The following AIG1 variants were observed in gnomAD, a reference collection of about 807,000 sequenced individuals.
AIG1 encodes the protein androgen induced 1, also known as androgen-induced gene 1 protein.
AIG1 carries 23 observed loss-of-function variants against 31.4 expected under a neutral mutation model. That is an observed-to-expected ratio of 0.73 (90% CI 0.53 to 1.04). The LOEUF is 1.04. Ranked by LOEUF, AIG1 falls within the 50% of genes least tolerant of loss-of-function variation. The pLI is 0.00. For missense variants in AIG1, 274 were observed against 295.0 expected, an observed-to-expected ratio of 0.93 and a Z score of 0.52; for synonymous variants, 100 against 110.5, an observed-to-expected ratio of 0.90 and a Z score of 0.60.
chr6:143,273,184 G>A (rs537508947), intron 3 of AIG1, among the ~76,000 whole-genome samples: 42 of 152,266 alleles, frequency 2.8e-4, no homozygotes, highest in African/African-American at 9.6e-4. Context: ...TCAGAATTAT[G>A]TTTTTAAAGC....
Position 143,326,004 on chromosome 6 carries a change from C to T in AIG1, c.516-7278C>T. On this transcript the variant is annotated intron_variant, in intron 4 of 5. Coordinates refer to ENST00000357847, the MANE Select transcript of AIG1 (RefSeq NM_016108.4). The surrounding 1 kb of genome is among the most constrained non-coding windows in gnomAD (Gnocchi z 4.5). ...AAGATTTAACAACCAGCTCTCATGACAATCTCCAGCACGCCACACTCATGA... is the reference window on the plus strand; with the variant it reads ...AAGATTTAACAACCAGCTCTCATGATAATCTCCAGCACGCCACACTCATGA... Among the ~76,000 whole-genome samples the T allele has an allele frequency of 1.3e-5, 2 of 152,308 alleles. No individual in the cohort carries two copies. The highest frequency in any genetic ancestry group is 4.1e-4 in the South Asian group (2 of 4,828).
rs144868084 is a variant in AIG1, at chr6:143,100,464, A to G, written c.142-36371A>G. Reference sequence around the variant, plus strand: ...AAAAAGAAGGAACTGATATTTGTCCATAGCTTTAATCCACAAAATTAAAAA... The same window carrying G: ...AAAAAGAAGGAACTGATATTTGTCCGTAGCTTTAATCCACAAAATTAAAAA... On this transcript the variant is annotated intron_variant, in intron 1 of 5. Transcript: ENST00000357847. 3.3e-5 allele frequency among the ~76,000 whole-genome samples: 5 copies of G among 152,364 alleles called. No individual in the cohort carries two copies. In the East Asian group the frequency reaches 7.7e-4, roughly 23 times the overall value.
chr6:143,207,806 G>GT (rs35333306), intron 3 of AIG1, among the ~76,000 whole-genome samples: 6,914 of 152,076 alleles, frequency 0.045, 225 homozygotes, highest in Non-Finnish European at 0.067. Context: ...AAATTGTTGG[G>GT]TTTTTTTCAC....
chr6:143,130,371 A>G (rs1454248209), intron 1 of AIG1, among the ~76,000 whole-genome samples: 1 of 152,166 alleles, frequency 6.6e-6, no homozygotes, highest in Non-Finnish European at 1.5e-5. Context: ...CAAAAGAGAA[A>G]AAAGTGTTCC....
At position 143,060,978 on chromosome 6, in the gene AIG1, G is replaced by C; in HGVS notation, c.53G>C (p.Cys18Ser). ...VLRMAILLSYCSILCNYKAIE... is the reference protein window; with the variant it reads ...VLRMAILLSYSSILCNYKAIE... ...CGGATGGCAATCCTGCTGTCTTACT[G>C]CTCTATCCTGTGTAACTACAAGGCC... is the stretch of plus-strand genomic sequence containing the variant. The change falls in exon 1 of 6, where the codon TGC becomes TCC. Residue 18 changes from cysteine (C) to serine (S), a missense_variant. Transcript: ENST00000357847. 2 of 1,613,118 alleles carry C rather than the reference G, an allele frequency of 1.2e-6. No homozygotes were observed. Among genetic ancestry groups the C allele is most frequent in the Non-Finnish European group, 8.5e-7 (1 of 1,179,816 alleles).
chr6:143,286,005 C>T lies in AIG1; in HGVS notation c.515+1780C>T, dbSNP rs145496136. On this transcript the variant is annotated intron_variant, in intron 4 of 5. Transcript: ENST00000357847. ...CTTCCTATAGCCATAGTTTAAAAAT[C>T]AGTCTCGCATCCCACCCCCACCCCA... 4.6e-3 allele frequency among the ~76,000 whole-genome samples: 696 copies of T among 151,564 alleles called. 7 individuals carry two copies. The highest frequency in any genetic ancestry group is 0.016 in the African/African-American group (647 of 41,422).
At chr6:143,078,544 A>T (rs751709673) in intron 1 of AIG1, among the ~76,000 whole-genome samples, 10 of 152,244 alleles carry the variant, frequency 6.6e-5, no homozygotes, top group Non-Finnish European at 1.2e-4. Flanking sequence ...TAATGGACTC[A>T]CAGTTCTACA....
At chr6:143,306,449 T>C (rs1799318030) in intron 4 of AIG1, among the ~76,000 whole-genome samples, 1 of 152,062 alleles carries the variant, frequency 6.6e-6, no homozygotes, top group African/African-American at 2.4e-5. Flanking sequence ...AGCATTTGCT[T>C]GTCTGTAAAG....
upstream of AIG1, chr6:143,060,752 C>A (rs1776145537): frequency 4.9e-6 from 1 of 202,496 alleles, no homozygotes; most frequent in South Asian, 7.9e-5. Flanking sequence ...CCCGGGCGCT[C>A]GCGGCCGCGC....
chr6:143,143,742 G>C (rs1444799194), intron 2 of AIG1, among the ~76,000 whole-genome samples: 4 of 151,678 alleles, frequency 2.6e-5, no homozygotes, highest in African/African-American at 9.7e-5. Context: ...GTAGAACCCA[G>C]TACACTGCAG....
chr6:143,343,500 TCC>T (rs1777898224), downstream of AIG1: 2 of 245,252 alleles, frequency 8.2e-6, no homozygotes, highest in Non-Finnish European at 1.6e-5. Flanking sequence ...GCATCTGGCC[TCC>T]CACTGTTTTC....
intron 3 of AIG1, among the ~76,000 whole-genome samples, chr6:143,180,930 C>G (rs1451438307): frequency 1.3e-5 from 2 of 152,158 alleles, no homozygotes; most frequent in African/African-American, 2.4e-5. Context: ...AGATTTTGTG[C>G]ATCTGTCTTT....
At chr6:143,182,972 A>G (rs981450644) in intron 3 of AIG1, among the ~76,000 whole-genome samples, 6 of 152,244 alleles carry the variant, frequency 3.9e-5, no homozygotes, top group African/African-American at 1.4e-4. Flanking sequence ...GCACTGCAGC[A>G]AAATCCTGCA....
In AIG1 at chr6:143,325,902, T is replaced by C. The variant is rs1776569294; in HGVS notation, c.516-7380T>C. Among the ~76,000 whole-genome samples, 1 of 152,200 alleles carries C rather than the reference T, an allele frequency of 6.6e-6. No individual in the cohort carries two copies. The highest frequency in any genetic ancestry group is 2.4e-5 in the African/African-American group (1 of 41,464). Reference sequence around the variant, plus strand: ...GGAGGGAATACCTGATGTGTAACATTTGCCCATATCCTTGGTGTGACTATT... The same window carrying C: ...GGAGGGAATACCTGATGTGTAACATCTGCCCATATCCTTGGTGTGACTATT... On this transcript the variant is annotated intron_variant, in intron 4 of 5. Transcript: ENST00000357847. The surrounding 1 kb of genome is among the most constrained non-coding windows in gnomAD (Gnocchi z 4.3).
intron 1 of AIG1, among the ~76,000 whole-genome samples, chr6:143,087,754 T>G (rs1317413502): frequency 1.3e-5 from 2 of 152,230 alleles, no homozygotes; most frequent in African/African-American, 4.8e-5. Flanking sequence ...CTGACATCTT[T>G]AAGAGAATAT....
At chr6:143,095,901 CTTTTTTTTTTTTT>C (rs372161832) in intron 1 of AIG1, among the ~76,000 whole-genome samples, 8 of 103,716 alleles carry the variant, frequency 7.7e-5, no homozygotes, top group Non-Finnish European at 1.3e-4. Context: ...GCTACTTTAT[CTTTTTTTTTTTTT>C]TTTTTTTTTT....
At chr6:143,304,381 T>A (rs1454227888) in intron 4 of AIG1, among the ~76,000 whole-genome samples, 1 of 151,578 alleles carries the variant, frequency 6.6e-6, no homozygotes, top group Non-Finnish European at 1.5e-5. Flanking sequence ...ATAGCTCTTA[T>A]TATTTTGAGA....
intron 1 of AIG1, among the ~76,000 whole-genome samples, chr6:143,095,091 A>G (rs1326936007): frequency 1.3e-5 from 2 of 152,206 alleles, no homozygotes; most frequent in Non-Finnish European, 2.9e-5. Context: ...GGGGGCAGTA[A>G]AAGGTAAAAT....
At chr6:143,079,144 C>T (rs761884703) in intron 1 of AIG1, among the ~76,000 whole-genome samples, 55 of 152,140 alleles carry the variant, frequency 3.6e-4, no homozygotes, top group Non-Finnish European at 7.5e-4. Flanking sequence ...CCACTATTTA[C>T]ACAGCAGGAC....
Sources: allele counts gnomAD v4.1 joint callset (sites outside exome capture counted in the v4.1 genomes callset), GRCh38; gene constraint gnomAD v4.1.1; non-coding constraint Gnocchi (gnomAD v3.1); transcripts MANE v1.5; gene names NCBI Gene and HGNC (gene_info 2026-07-23, HGNC 2026-07-21).